DEFB104B: variants seen among roughly 807,000 people sequenced by gnomAD.
DEFB104B encodes defensin beta 104B.
intron 1 of DEFB104B, among the ~76,000 whole-genome samples, chr8:7,472,267 G>T (rs1467036099): frequency 2.9e-5 from 4 of 138,490 alleles, no homozygotes; most frequent in Admixed American, 7.2e-5. Flanking sequence ...AGGACAGCAT[G>T]CTTGCTCAGG....
intron 1 of DEFB104B, among the ~76,000 whole-genome samples, chr8:7,472,300 G>A (rs1810981578): frequency 7.8e-6 from 1 of 128,558 alleles, no homozygotes; most frequent in Non-Finnish European, 1.6e-5. Context: ...TAGCGTTAGG[G>A]GAGAAGGAGA....
chr8:7,471,021 C>T (rs556241512), intron 1 of DEFB104B, among the ~76,000 whole-genome samples: 6 of 151,528 alleles, frequency 4.0e-5, no homozygotes, highest in Non-Finnish European at 1.5e-5. Flanking sequence ...TTTTATGTCT[C>T]AACCTTAAGT....
intron 1 of DEFB104B, among the ~76,000 whole-genome samples, chr8:7,473,883 G>T (rs1236969534): frequency 7.1e-6 from 1 of 140,606 alleles, no homozygotes; most frequent in African/African-American, 2.5e-5. Flanking sequence ...GATCTGGAGG[G>T]ATCCCTGACC....
chr8:7,472,970 C>T (rs1199723663), intron 1 of DEFB104B, among the ~76,000 whole-genome samples: 1 of 104,616 alleles, frequency 9.6e-6, no homozygotes, highest in East Asian at 3.9e-4. Context: ...GATTCTCCTG[C>T]CTCCGCCTCC....
chr8:7,475,072 G>C lies in DEFB104B; in HGVS notation c.-4C>G, dbSNP rs1200002208. On this transcript the variant is annotated 5_prime_UTR_variant, in exon 1 of 2. Transcript: ENST00000316169. ...ATAGCAGCACAAGTCTCTGCATAAT[G>C]CTGGGGCTGCTGGCGAGAAGCAGAC... 1 of 772,894 alleles carries C rather than the reference G, an allele frequency of 1.3e-6. No individual in the cohort carries two copies. The highest frequency in any genetic ancestry group is 1.7e-5 in the African/African-American group (1 of 57,220). 47.9% of individuals were successfully genotyped at this position (772,894 alleles called of 1,614,324 possible).
chr8:7,471,424 G>A (rs2128877767), intron 1 of DEFB104B, among the ~76,000 whole-genome samples: 1 of 34,790 alleles, frequency 2.9e-5, no homozygotes, highest in East Asian at 7.3e-4. Context: ...CAAGTAGAGA[G>A]GAGGAAACTA....
chr8:7,471,917 A>C (rs1219364384), intron 1 of DEFB104B, among the ~76,000 whole-genome samples: 2 of 148,864 alleles, frequency 1.3e-5, no homozygotes, highest in Non-Finnish European at 3.0e-5. Context: ...TCTGGTAAAG[A>C]GAAGCCTCCT....
Position 7,472,003 on chromosome 8 carries a change from G to A in DEFB104B, c.59-1487C>T, listed in dbSNP as rs563804234. Among the ~76,000 whole-genome samples, 6 of 151,524 alleles carry A rather than the reference G, an allele frequency of 4.0e-5. No individual in the cohort carries two copies. In the South Asian group the frequency reaches 1.2e-3, roughly 31 times the overall value. On this transcript the variant is annotated intron_variant, in intron 1 of 1. Transcript: ENST00000316169. ...CTAAAAGGCAGTTTGACCAATTCATGTGCTGGATAGGATATTGAAGGGGTT... is the reference window on the plus strand; with the variant it reads ...CTAAAAGGCAGTTTGACCAATTCATATGCTGGATAGGATATTGAAGGGGTT...
rs1265548830 is a variant in DEFB104B at position 7,474,890 on chromosome 8, A to T, written c.58+121T>A. On this transcript the variant is annotated intron_variant, in intron 1 of 1. Transcript: ENST00000316169. ...GACCCAATGAAAGCAAAGAGAAAAAAGGCTGAGATTGAAGAAGGTTACTCC... is the reference window on the plus strand; with the variant it reads ...GACCCAATGAAAGCAAAGAGAAAAATGGCTGAGATTGAAGAAGGTTACTCC... The T allele has an allele frequency of 2.6e-5, 12 of 466,848 alleles. 1 individual carries two copies. The highest frequency in any genetic ancestry group is 1.4e-4 in the African/African-American group (7 of 50,440). The allele number at this position is 466,848 out of a possible 1,614,324, so 28.9% of individuals were successfully genotyped here.
chr8:7,474,498 T>C lies in DEFB104B; in HGVS notation c.58+513A>G. ...GTTGTCAGTAAATTACGTTCTTGCC[T>C]ACTGAAATCACTGCATCCCCTTTAA... On this transcript the variant is annotated intron_variant, in intron 1 of 1. Transcript: ENST00000316169. Among the ~76,000 whole-genome samples, 2 of 141,902 alleles carry C rather than the reference T, an allele frequency of 1.4e-5. 1 individual carries two copies. Among genetic ancestry groups the C allele is most frequent in the Non-Finnish European group, 3.2e-5 (2 of 63,134 alleles). The allele number at this position is 141,902 out of a possible 152,430, so 93.1% of individuals were successfully genotyped here.
chr8:7,472,895 C>T lies in DEFB104B; in HGVS notation c.58+2116G>A, dbSNP rs1171245433. Among the ~76,000 whole-genome samples, 7 of 122,234 alleles carry T rather than the reference C, an allele frequency of 5.7e-5. 1 individual carries two copies. The South Asian group carries it at 1.6e-3, about 27-fold the overall frequency. The allele number at this position is 122,234 out of a possible 152,430, so 80.2% of individuals were successfully genotyped here. ...TTTTTGAGACACAGTCTTGCTCTGT[C>T]GCCTAGGGTAGAGTGCAATGGCACG... On this transcript the variant is annotated intron_variant, in intron 1 of 1. Transcript: ENST00000316169.
intron 1 of DEFB104B, among the ~76,000 whole-genome samples, chr8:7,472,835 T>C (rs1216773089): frequency 1.5e-5 from 2 of 130,762 alleles, no homozygotes; most frequent in African/African-American, 6.6e-5. Context: ...AGATTTGCTT[T>C]GTTTTTTTTG....
chr8:7,471,922 C>T (rs1305466701), intron 1 of DEFB104B, among the ~76,000 whole-genome samples: 2 of 149,088 alleles, frequency 1.3e-5, no homozygotes, highest in Admixed American at 1.3e-4. Context: ...TAAAGAGAAG[C>T]CTCCTGTTTC....
chr8:7,473,870 C>T (rs1356054117), intron 1 of DEFB104B, among the ~76,000 whole-genome samples: 18 of 139,570 alleles, frequency 1.3e-4, no homozygotes, highest in Non-Finnish European at 2.7e-4. Context: ...GTGCATTCTT[C>T]GGGATCTGGA....
chr8:7,471,943 G>A (rs1232225220), intron 1 of DEFB104B, among the ~76,000 whole-genome samples: 1 of 150,504 alleles, frequency 6.6e-6, no homozygotes, highest in African/African-American at 2.5e-5. Flanking sequence ...TGATGCTTAG[G>A]TATCAAGGTT....
rs1330091853 is a variant in DEFB104B at position 7,474,830 on chromosome 8, A to C, written c.58+181T>G. On this transcript the variant is annotated intron_variant, in intron 1 of 1. Coordinates refer to ENST00000316169, the MANE Select transcript of DEFB104B (RefSeq NM_001040702.1). ...AGTAAGCCTCATGGCTGTAAGGTGC[A>C]TACAAGGATTGCCACATACTGCATT... Among the ~76,000 whole-genome samples, 23 of 125,706 alleles carry C rather than the reference A, an allele frequency of 1.8e-4. 3 individuals are homozygous for C. The highest frequency in any genetic ancestry group is 1.8e-5 in the Non-Finnish European group (1 of 54,484). 82.5% of individuals were successfully genotyped at this position (125,706 alleles called of 152,430 possible).
intron 1 of DEFB104B, among the ~76,000 whole-genome samples, chr8:7,471,119 TTA>T: frequency 6.6e-6 from 1 of 152,224 alleles, no homozygotes; most frequent in African/African-American, 2.4e-5. Flanking sequence ...TGTTATTCTT[TTA>T]TATCACCTAT....
chr8:7,474,109 G>A (rs1186669660), intron 1 of DEFB104B, among the ~76,000 whole-genome samples: 11 of 141,128 alleles, frequency 7.8e-5, no homozygotes, highest in Admixed American at 7.8e-4. Flanking sequence ...CTGAATCACA[G>A]TGGAGGCACA....
chr8:7,471,177 T>C (rs1810928512), intron 1 of DEFB104B, among the ~76,000 whole-genome samples: 1 of 147,812 alleles, frequency 6.8e-6, no homozygotes, highest in Middle Eastern at 3.6e-3. Flanking sequence ...GGTATATATA[T>C]ATACACATAT....
Sources: gnomAD v4.1 joint callset for allele counts (sites outside exome capture counted in the v4.1 genomes callset) on GRCh38, gnomAD v4.1.1 for gene constraint, MANE v1.5 for transcripts, NCBI Gene and HGNC (gene_info 2026-07-23, HGNC 2026-07-21) for gene names.